C12orf54: variants seen among roughly 807,000 people sequenced by gnomAD.
C12orf54 encodes the protein chromosome 12 open reading frame 54.
In C12orf54, 24 loss-of-function variants were observed where a neutral mutation model predicts 26.4. The observed-to-expected ratio is 0.91, with a 90% CI of 0.66 to 1.28. The LOEUF (loss-of-function observed/expected upper bound fraction) is 1.28. Among genes scored for constraint, C12orf54 ranks in the 50% most tolerant of loss-of-function variants. The pLI is 0.00. For missense variants in C12orf54, 154 were observed against 150.9 expected, an observed-to-expected ratio of 1.02 and a Z score of -0.11; for synonymous variants, 54 against 47.0, an observed-to-expected ratio of 1.15 and a Z score of -0.61.
At chr12:48,463,763 A>AG in the C12orf54 span, among the ~76,000 whole-genome samples, 2 of 152,164 alleles carry the variant, frequency 1.3e-5, no homozygotes, top group Non-Finnish European at 2.9e-5. Context: ...CTGAGATACA[A>AG]GGTTGGTTCA....
intron 4 of C12orf54, among the ~76,000 whole-genome samples, chr12:48,487,497 A>G (rs907367850): frequency 1.3e-5 from 2 of 152,236 alleles, no homozygotes; most frequent in African/African-American, 4.8e-5. Context: ...TAAGGAAATA[A>G]TCTTAATTAC....
At chr12:48,473,412 T>TA in the C12orf54 span, 2 of 721,454 alleles carry the variant, frequency 2.8e-6, no homozygotes, top group Middle Eastern at 2.5e-4. Context: ...AGACGATGCC[T>TA]AAGTGGAATA....
At chr12:48,495,878 A>G (rs1012432598) in intron 8 of C12orf54, among the ~76,000 whole-genome samples, 4 of 152,106 alleles carry the variant, frequency 2.6e-5, no homozygotes, top group African/African-American at 9.7e-5. Context: ...CACTCACAAA[A>G]CCTCTATTAA....
At chr12:48,475,097 G>A in the C12orf54 span, among the ~76,000 whole-genome samples, 22 of 152,270 alleles carry the variant, frequency 1.4e-4, no homozygotes, top group South Asian at 4.1e-4. Context: ...ACCAATATCC[G>A]CTGTTCTGCA....
the C12orf54 span, among the ~76,000 whole-genome samples, chr12:48,455,387 GA>G: frequency 4.6e-5 from 7 of 152,152 alleles, no homozygotes; most frequent in Non-Finnish European, 1.0e-4. Context: ...TTGCTATTGT[GA>G]AAAGCGCTGT....
intron 6 of C12orf54, 23 bp from the exon 7 acceptor site, chr12:48,492,924 A>G (rs766619377): frequency 6.2e-7 from 1 of 1,609,478 alleles, no homozygotes; most frequent in East Asian, 2.2e-5. Context: ...TAACAGAATG[A>G]CTCTTCTCTG....
chr12:48,475,129 G>A, the C12orf54 span, among the ~76,000 whole-genome samples: 2 of 152,132 alleles, frequency 1.3e-5, no homozygotes, highest in South Asian at 4.2e-4. Flanking sequence ...TGAAACCCAG[G>A]CAAACAGGGT....
At chr12:48,442,223 TGGGAGGAGCAGG>T in the C12orf54 span, 2 of 203,652 alleles carry the variant, frequency 9.8e-6, no homozygotes, top group Middle Eastern at 5.3e-4. Context: ...TGCAGTGAGG[TGGGAGGAGCAGG>T]TGGAGAAGGC....
At chr12:48,476,967 C>T in the C12orf54 span, among the ~76,000 whole-genome samples, 2 of 152,170 alleles carry the variant, frequency 1.3e-5, no homozygotes, top group Admixed American at 6.5e-5. Flanking sequence ...CACACCACAC[C>T]TATTCCAAAA....
chr12:48,486,686 A>C lies in C12orf54; in HGVS notation c.97-2A>C. On this transcript the variant is annotated splice_acceptor_variant, in intron 3 of 8. Coordinates refer to ENST00000548364, the MANE Select transcript of C12orf54 (RefSeq NM_152319.4). LOFTEE classifies it high-confidence loss of function. ...TCCAACATTTGTTCCTTATTTCTAC[A>C]GGAAAAACAGGTAACCATCACTGAA... is the stretch of plus-strand genomic sequence containing the variant. The C allele has an allele frequency of 6.2e-7, 1 of 1,612,186 alleles. No homozygotes were observed. The highest frequency in any genetic ancestry group is 8.5e-7 in the Non-Finnish European group (1 of 1,178,270).
chr12:48,469,237 G>A, the C12orf54 span, among the ~76,000 whole-genome samples: 1 of 152,214 alleles, frequency 6.6e-6, no homozygotes, highest in Admixed American at 6.5e-5. Flanking sequence ...CGCTGCAGGA[G>A]ACCAGGGAGT....
the C12orf54 span, among the ~76,000 whole-genome samples, chr12:48,441,796 A>G: frequency 1.3e-5 from 2 of 152,340 alleles, no homozygotes; most frequent in South Asian, 4.1e-4. Context: ...AACTGGTATC[A>G]TCCCAAGAAA....
At chr12:48,442,557 C>T in the C12orf54 span, 514 of 157,746 alleles carry the variant, frequency 3.3e-3, 5 homozygotes, top group African/African-American at 0.012. Flanking sequence ...ATCACTTGGC[C>T]ATAGAGCAAA....
chr12:48,429,585 A>T, the C12orf54 span, among the ~76,000 whole-genome samples: 1 of 152,120 alleles, frequency 6.6e-6, no homozygotes, highest in Non-Finnish European at 1.5e-5. Context: ...CAAAAAAAAA[A>T]ATACTTAGAA....
the C12orf54 span, among the ~76,000 whole-genome samples, chr12:48,457,886 G>A: frequency 2.6e-5 from 4 of 152,166 alleles, no homozygotes; most frequent in East Asian, 1.9e-4. Flanking sequence ...TCTGCCTGGC[G>A]TTCCAGGGTC....
upstream of C12orf54, among the ~76,000 whole-genome samples, chr12:48,481,336 G>T (rs1278625832): frequency 2.0e-5 from 3 of 152,112 alleles, no homozygotes; most frequent in Middle Eastern, 3.2e-3. Flanking sequence ...ATGATAAAGG[G>T]AGGAGCTTAG....
chr12:48,468,149 G>A, the C12orf54 span, among the ~76,000 whole-genome samples: 1 of 152,080 alleles, frequency 6.6e-6, no homozygotes, highest in Non-Finnish European at 1.5e-5. Context: ...AAAACTATTA[G>A]GTATTTATAA....
intron 4 of C12orf54, chr12:48,488,201 C>A: frequency 2.8e-6 from 2 of 704,628 alleles, no homozygotes; most frequent in South Asian, 1.4e-5. Context: ...TTCATTGGCC[C>A]CTGGAGTCTG....
the C12orf54 span, among the ~76,000 whole-genome samples, chr12:48,476,853 C>A: frequency 2.6e-5 from 4 of 152,154 alleles, no homozygotes; most frequent in Non-Finnish European, 4.4e-5. Context: ...AGAAAGTTAA[C>A]AAGGATATCG....
Sources: allele counts gnomAD v4.1 joint callset (sites outside exome capture counted in the v4.1 genomes callset), GRCh38; gene constraint gnomAD v4.1.1; transcripts MANE v1.5; gene names NCBI Gene and HGNC (gene_info 2026-07-23, HGNC 2026-07-21).